The following CREG1 variants were observed in gnomAD, a reference collection of about 807,000 sequenced individuals.
The protein encoded by CREG1 is protein CREG1.
A neutral mutation model predicts 19.9 loss-of-function variants in CREG1; 20 were observed. The observed-to-expected ratio is 1.01, with a 90% confidence interval of 0.71 to 1.46. CREG1 has a LOEUF of 1.46. CREG1 is among the 40% of genes most tolerant of loss of function. The pLI is 0.00. For missense variants in CREG1, 290 were observed against 314.9 expected, an observed-to-expected ratio of 0.92 and a Z score of 0.60; for synonymous variants, 141 against 143.3, an observed-to-expected ratio of 0.98 and a Z score of 0.12.
intron 1 of CREG1, among the ~76,000 whole-genome samples, chr1:167,553,169 G>A (rs1229679406): frequency 6.6e-6 from 1 of 152,184 alleles, no homozygotes. Context: ...TTTACCCCAG[G>A]TGCGTGGCCC....
intron 1 of CREG1, among the ~76,000 whole-genome samples, chr1:167,548,791 G>A (rs536889492): frequency 7.9e-5 from 12 of 152,298 alleles, no homozygotes; most frequent in African/African-American, 2.6e-4. Context: ...AGCTCTAAGT[G>A]CCTTGTGTGG....
rs571629712 is a variant in CREG1 at position 167,546,250 on chromosome 1, C to A, written c.510G>T (p.Ser170=). 6.8e-6 allele frequency: 11 copies of A among 1,609,120 alleles called. No individual in the cohort carries two copies. Among genetic ancestry groups the A allele is most frequent in the Non-Finnish European group, 9.3e-6 (11 of 1,177,990 alleles). ...TCATCTCAGGGTGTCGAATGAATAA[C>A]GAATGCTTTGCAATATCCATTTCTG... The part of the protein sequence containing the change: ...NETEMDIAKH[S]LFIRHPEMKT... Residue 170 remains serine, a synonymous_variant, in exon 3 of 4, where the codon TCG becomes TCT. Coordinates refer to ENST00000370509, the MANE Select transcript of CREG1 (RefSeq NM_003851.3).
intron 1 of CREG1, among the ~76,000 whole-genome samples, chr1:167,553,060 A>T (rs1005165630): frequency 1.3e-5 from 2 of 152,028 alleles, no homozygotes; most frequent in African/African-American, 4.8e-5. Context: ...GGGAAAAAAA[A>T]AAAAAAAGAG....
At position 167,553,698 on chromosome 1, in the gene CREG1, G is replaced by A; in HGVS notation, c.44C>T (p.Ala15Val). ...CGCCAACAGCGTCGACGCCAGCAGG[G>A]CGGCGAGCAGTGCGCGCGCGGACCC... is the stretch of plus-strand genomic sequence containing the variant. ...SRGSARALLA[A>V]LLASTLLALL... Residue 15 changes from alanine to valine, a missense_variant, in exon 1 of 4, where the codon GCC (alanine) becomes GTC (valine). By Grantham distance (64) the Ala-to-Val change is moderately conservative. Transcript: ENST00000370509. 1 of 1,308,076 alleles carries A rather than the reference G, an allele frequency of 7.6e-7. No individual in the cohort carries two copies. 81.0% of individuals were successfully genotyped at this position (1,308,076 alleles called of 1,614,324 possible).
At chr1:167,553,052 GA>G (rs61415477) in intron 1 of CREG1, among the ~76,000 whole-genome samples, 116,815 of 142,204 alleles carry the variant, frequency 0.82, 47,908 homozygotes, top group East Asian at 0.99. Context: ...GTCTCAAAGG[GA>G]AAAAAAAAAA....
chr1:167,543,280 G>A (rs1656256886), intron 3 of CREG1, among the ~76,000 whole-genome samples: 1 of 151,732 alleles, frequency 6.6e-6, no homozygotes, highest in Admixed American at 6.6e-5. Flanking sequence ...ATTCCAGGGT[G>A]CCAGCAAATG....
rs1229431 is a variant in CREG1, at chr1:167,542,379, G to A, written c.660-78C>T. 2.2e-6 allele frequency: 3 copies of A among 1,360,634 alleles called. No homozygotes were observed. In the African/African-American group the frequency reaches 4.4e-5, roughly 20 times the overall value. 84.3% of individuals were successfully genotyped at this position (1,360,634 alleles called of 1,614,324 possible). ...TAAAAATTAATTCATTCTAGGGAAG[G>A]ACTAGATAAAATTTCTGATCTAAAT... On this transcript the variant is annotated intron_variant, in intron 3 of 3. Coordinates refer to ENST00000370509, the MANE Select transcript of CREG1 (RefSeq NM_003851.3).
At chr1:167,544,748 C>T (rs1364511473) in intron 3 of CREG1, among the ~76,000 whole-genome samples, 3 of 152,170 alleles carry the variant, frequency 2.0e-5, no homozygotes, top group Non-Finnish European at 4.4e-5. Flanking sequence ...AAAAACAGCA[C>T]CTACCTGTTG....
intron 1 of CREG1, among the ~76,000 whole-genome samples, chr1:167,551,648 C>T (rs1326420907): frequency 1.3e-5 from 2 of 152,208 alleles, no homozygotes; most frequent in Non-Finnish European, 2.9e-5. Flanking sequence ...TCTCCCTCCT[C>T]CCCCATTAGA....
chr1:167,548,758 A>T (rs1009362530), intron 1 of CREG1, among the ~76,000 whole-genome samples: 1 of 152,244 alleles, frequency 6.6e-6, no homozygotes, highest in African/African-American at 2.4e-5. Context: ...CACACATCGC[A>T]TTTTAGACTA....
intron 1 of CREG1, among the ~76,000 whole-genome samples, chr1:167,548,641 A>G (rs1210155408): frequency 6.6e-6 from 1 of 152,238 alleles, no homozygotes; most frequent in Non-Finnish European, 1.5e-5. Context: ...TTTAGTAACA[A>G]TGAGTTTTAT....
chr1:167,542,399 C>A, intron 3 of CREG1, 98 bp from the exon 4 acceptor site: 1 of 1,191,652 alleles, frequency 8.4e-7, no homozygotes, highest in South Asian at 1.5e-5. Context: ...AATTTCTGAT[C>A]TAAATTAAGA....
rs1656409473 is a variant in CREG1 at position 167,550,717 on chromosome 1, G to A, written c.355-2596C>T. 2.6e-5 allele frequency among the ~76,000 whole-genome samples: 4 copies of A among 152,252 alleles called. No homozygotes were observed. In the South Asian group the frequency reaches 8.3e-4, roughly 32 times the overall value. On this transcript the variant is annotated intron_variant, in intron 1 of 3. Transcript: ENST00000370509. Reference sequence around the variant, plus strand: ...ATGTTGAATTTGAAGTGGTGGCAAAGTAACGAAGCAAAAATGAACAGCAAG... The same window carrying A: ...ATGTTGAATTTGAAGTGGTGGCAAAATAACGAAGCAAAAATGAACAGCAAG...
rs1178467694 is a variant in CREG1 at position 167,541,490 on chromosome 1, C to G, written c.*808G>C. ...CTGGTCCATGCCTGGGTAAACTTTA[C>G]TTATAAAAGAATACCAGGAACACAC... On this transcript the variant is annotated 3_prime_UTR_variant, in exon 4 of 4. Transcript: ENST00000370509. The G allele has an allele frequency of 6.6e-6, 1 of 152,172 alleles. No individual in the cohort carries two copies. The highest frequency in any genetic ancestry group is 1.5e-5 in the Non-Finnish European group (1 of 68,038). 9.4% of individuals were successfully genotyped at this position (152,172 alleles called of 1,614,324 possible). A position where few individuals can be genotyped will look rare whatever the true frequency, so the allele number is the denominator to read the frequency against.
At chr1:167,546,641 C>CA (rs1252904833) in intron 2 of CREG1, among the ~76,000 whole-genome samples, 290 of 139,466 alleles carry the variant, frequency 2.1e-3, no homozygotes, top group African/African-American at 5.5e-3. Flanking sequence ...GACTCCATCT[C>CA]AAAAAAAAAA....
At chr1:167,543,230 G>C (rs1338111570) in intron 3 of CREG1, among the ~76,000 whole-genome samples, 1 of 138,728 alleles carries the variant, frequency 7.2e-6, no homozygotes, top group African/African-American at 2.8e-5. Flanking sequence ...CTGAGCAACA[G>C]AGTGAGACTC....
Position 167,550,833 on chromosome 1 carries a change from G to C in CREG1, c.354+2555C>G, listed in dbSNP as rs1275039721. 2.6e-5 allele frequency among the ~76,000 whole-genome samples: 4 copies of C among 152,120 alleles called. No individual in the cohort carries two copies. The East Asian group carries it at 7.7e-4, about 29-fold the overall frequency. On this transcript the variant is annotated intron_variant, in intron 1 of 3. Coordinates refer to ENST00000370509, the MANE Select transcript of CREG1 (RefSeq NM_003851.3). ...GACTAGAAGAGAATGTATACAACGA[G>C]AGTGTATACAATCTTCTGAGGATCG... is the stretch of plus-strand genomic sequence containing the variant.
chr1:167,542,433 G>C, intron 3 of CREG1, 132 bp from the exon 4 acceptor site: 1 of 835,928 alleles, frequency 1.2e-6, no homozygotes, highest in South Asian at 1.9e-5. Context: ...TCAACCACTA[G>C]AATATACTAA....
chr1:167,546,583 G>A (rs532481765), intron 2 of CREG1, among the ~76,000 whole-genome samples: 265 of 152,124 alleles, frequency 1.7e-3, no homozygotes, highest in African/African-American at 5.9e-3. Flanking sequence ...CGGAGCTTGC[G>A]GTGAGCCGAG....
Sources: gnomAD v4.1 joint callset for allele counts (sites outside exome capture counted in the v4.1 genomes callset) on GRCh38, gnomAD v4.1.1 for gene constraint, MANE v1.5 for transcripts, NCBI Gene and HGNC (gene_info 2026-07-23, HGNC 2026-07-21) for gene names.